Variants in RCOR1 observed in about 807,000 individuals in gnomAD.
RCOR1 encodes REST corepressor.
In RCOR1, 12 loss-of-function variants were observed where a neutral mutation model predicts 64.0. That is an observed-to-expected ratio of 0.19 (90% CI 0.12 to 0.30). The LOEUF (loss-of-function observed/expected upper bound fraction) is 0.30. Among genes scored for constraint, RCOR1 ranks in the 10% least tolerant of loss-of-function variants. RCOR1 has a pLI of 1.00. For synonymous variants in RCOR1, 279 were observed against 227.2 expected, an observed-to-expected ratio of 1.23 and a Z score of -2.05; for missense variants, 502 against 621.2, an observed-to-expected ratio of 0.81 and a Z score of 2.04.
intron 11 of RCOR1, among the ~76,000 whole-genome samples, chr14:102,725,757 A>G (rs1327249114): frequency 6.6e-6 from 1 of 151,910 alleles, no homozygotes; most frequent in African/African-American, 2.4e-5. Flanking sequence ...TCTTTTCAGT[A>G]GATAGGTTTT....
At chr14:102,611,715 G>A (rs1226617959) in intron 2 of RCOR1, among the ~76,000 whole-genome samples, 1 of 152,158 alleles carries the variant, frequency 6.6e-6, no homozygotes, top group Non-Finnish European at 1.5e-5. Context: ...AAATCCTTTT[G>A]GGGATTCTGT....
chr14:102,700,887 T>C (rs1174709295), intron 3 of RCOR1, among the ~76,000 whole-genome samples: 1 of 152,186 alleles, frequency 6.6e-6, no homozygotes, highest in African/African-American at 2.4e-5. Context: ...AGAGGTTTAA[T>C]GGACTTAGAG....
chr14:102,593,217 G>C (rs1178630321), intron 1 of RCOR1, 30 bp downstream of exon 1: 1 of 1,473,794 alleles, frequency 6.8e-7, no homozygotes, highest in African/African-American at 1.5e-5. Flanking sequence ...GCGGCCCCGG[G>C]CCCCGCGCCC....
In RCOR1 at chr14:102,664,478, G is replaced by A. The variant is rs916983421; in HGVS notation, c.362-17417G>A. On this transcript the variant is annotated intron_variant, in intron 2 of 11. Transcript: ENST00000262241. ...TCAGCTTGTAATATTGCAAATCATA[G>A]TATTTTTGAAATAACCTTCCCATGG... is the stretch of plus-strand genomic sequence containing the variant. Among the ~76,000 whole-genome samples, 5 of 152,318 alleles carry A rather than the reference G, an allele frequency of 3.3e-5. No homozygotes were observed. The South Asian group carries it at 8.3e-4, about 25-fold the overall frequency.
At chr14:102,598,903 A>G (rs1343588062) in intron 2 of RCOR1, among the ~76,000 whole-genome samples, 1 of 151,852 alleles carries the variant, frequency 6.6e-6, no homozygotes, top group African/African-American at 2.4e-5. Flanking sequence ...ACCTAAGTGC[A>G]GCCCTACACT....
At chr14:102,599,803 G>GTTTTTTTTTTTTT (rs758594132) in intron 2 of RCOR1, among the ~76,000 whole-genome samples, 1 of 93,786 alleles carries the variant, frequency 1.1e-5, no homozygotes, top group Non-Finnish European at 2.3e-5. Flanking sequence ...GTTTTGTTTT[G>GTTTTTTTTTTTTT]TTTTGTTTTT....
chr14:102,640,147 A>G (rs2139920124), intron 2 of RCOR1, among the ~76,000 whole-genome samples: 1 of 151,826 alleles, frequency 6.6e-6, no homozygotes, highest in Non-Finnish European at 1.5e-5. Context: ...ACCCAGCCAT[A>G]TATATATGTA....
intron 3 of RCOR1, among the ~76,000 whole-genome samples, chr14:102,688,967 C>T (rs1246013117): frequency 6.6e-6 from 1 of 152,176 alleles, no homozygotes; most frequent in African/African-American, 2.4e-5. Context: ...TCAGCCCTAC[C>T]CACCAGCTTT....
intron 2 of RCOR1, chr14:102,662,676 G>A: frequency 9.0e-6 from 4 of 443,402 alleles, no homozygotes; most frequent in South Asian, 7.3e-5. Flanking sequence ...CTTGAGGAGG[G>A]GCAGGAGCTT....
chr14:102,711,081 A>T, intron 7 of RCOR1, 68 bp downstream of exon 7: 1 of 1,067,660 alleles, frequency 9.4e-7, no homozygotes, highest in African/African-American at 1.6e-5. Flanking sequence ...TAAAACATTC[A>T]TGTTGCTTGT....
intron 6 of RCOR1, among the ~76,000 whole-genome samples, chr14:102,709,401 C>G (rs1274314229): frequency 3.3e-5 from 5 of 152,034 alleles, no homozygotes; most frequent in Non-Finnish European, 5.9e-5. Context: ...TTAAAAAATC[C>G]TATTTTCCAC....
intron 2 of RCOR1, among the ~76,000 whole-genome samples, chr14:102,674,247 T>G (rs1254158845): frequency 1.3e-5 from 2 of 152,160 alleles, no homozygotes; most frequent in Non-Finnish European, 2.9e-5. Flanking sequence ...ATCAAGAGAT[T>G]ATAGATGTTA....
At chr14:102,606,671 C>T (rs1401830488) in intron 2 of RCOR1, among the ~76,000 whole-genome samples, 1 of 150,646 alleles carries the variant, frequency 6.6e-6, no homozygotes, top group Non-Finnish European at 1.5e-5. Context: ...TCACCCTGTC[C>T]CCCAGGCTGG....
chr14:102,704,587 A>G (rs930265296), intron 4 of RCOR1, among the ~76,000 whole-genome samples: 2 of 152,156 alleles, frequency 1.3e-5, no homozygotes, highest in Non-Finnish European at 2.9e-5. Context: ...GCCTGCCACC[A>G]TGCCCGGCTA....
intron 2 of RCOR1, among the ~76,000 whole-genome samples, chr14:102,653,920 CTTCTTTCT>C (rs553960381): frequency 0.065 from 6,377 of 98,698 alleles, 496 homozygotes; most frequent in Non-Finnish European, 0.087. Flanking sequence ...CAGGTATTTC[CTTCTTTCT>C]TTCTTTCTTT....
At chr14:102,613,954 G>A (rs1205018184) in intron 2 of RCOR1, among the ~76,000 whole-genome samples, 7 of 139,584 alleles carry the variant, frequency 5.0e-5, no homozygotes, top group Non-Finnish European at 1.1e-4. Context: ...GTGCAGTGGT[G>A]CAATGATCTA....
chr14:102,694,190 A>G (rs184758423), intron 3 of RCOR1, among the ~76,000 whole-genome samples: 4 of 152,202 alleles, frequency 2.6e-5, no homozygotes, highest in African/African-American at 9.6e-5. Context: ...TTCTCTGGGG[A>G]TTGGGGTTGG....
intron 2 of RCOR1, among the ~76,000 whole-genome samples, chr14:102,603,044 G>GT (rs1893435773): frequency 6.6e-6 from 1 of 151,980 alleles, no homozygotes; most frequent in Non-Finnish European, 1.5e-5. Flanking sequence ...AGTGTCTTAT[G>GT]TTTTTAATTT....
At chr14:102,634,601 C>CGTGTGTGTGTGT (rs1555463064) in intron 2 of RCOR1, among the ~76,000 whole-genome samples, 1 of 150,724 alleles carries the variant, frequency 6.6e-6, no homozygotes. Context: ...GTTTATATTA[C>CGTGTGTGTGTGT]GTGTGTGTGT....
Sources: allele counts gnomAD v4.1 joint callset (sites outside exome capture counted in the v4.1 genomes callset), GRCh38; gene constraint gnomAD v4.1.1; transcripts MANE v1.5; gene names NCBI Gene and HGNC (gene_info 2026-07-23, HGNC 2026-07-21).